Variants in COPZ2 observed in about 807,000 individuals in gnomAD.
COPZ2 encodes coatomer subunit zeta-2.
In COPZ2, 30 loss-of-function variants were observed where a neutral mutation model predicts 33.2. The observed-to-expected ratio is 0.90, with a 90% CI of 0.68 to 1.23. COPZ2 has a LOEUF of 1.23. COPZ2 is among the 50% of genes most tolerant of loss of function. The pLI is 0.00. For synonymous variants in COPZ2, 89 were observed against 102.6 expected (o/e 0.87, Z 0.80); for missense variants, 263 against 262.4 (o/e 1.00, Z -0.02).
chr17:48,027,610 G>A (rs866866711), intron 8 of COPZ2: 3 of 152,314 alleles, frequency 2.0e-5, no homozygotes, highest in Non-Finnish European at 2.9e-5. Context: ...AGGAAACATG[G>A]GGAATCAGAG....
At chr17:48,036,412 G>C (rs2036983501) in intron 2 of COPZ2, among the ~76,000 whole-genome samples, 2 of 152,194 alleles carry the variant, frequency 1.3e-5, no homozygotes, top group African/African-American at 2.4e-5. Context: ...GGATTATACA[G>C]TTTCTAAAAT....
intron 1 of COPZ2, 53 bp from the exon 2 acceptor site, chr17:48,036,978 T>C: frequency 6.8e-7 from 1 of 1,468,484 alleles, no homozygotes; most frequent in Non-Finnish European, 9.5e-7. Context: ...GTGGACACCC[T>C]GTGTCTATGG....
At chr17:48,029,917 AAG>A (rs2036867885) in intron 6 of COPZ2, among the ~76,000 whole-genome samples, 1 of 151,868 alleles carries the variant, frequency 6.6e-6, no homozygotes. Flanking sequence ...GCAGTGAGCC[AAG>A]ATTGCGCCAC....
upstream of COPZ2, among the ~76,000 whole-genome samples, chr17:48,042,013 A>G (rs1020089791): frequency 1.3e-5 from 2 of 152,044 alleles, no homozygotes; most frequent in Non-Finnish European, 2.9e-5. Flanking sequence ...CACGTTAGGG[A>G]TGGGAAGGCA....
intron 6 of COPZ2, among the ~76,000 whole-genome samples, chr17:48,029,910 G>A (rs1598257920): frequency 6.6e-6 from 1 of 151,902 alleles, no homozygotes; most frequent in African/African-American, 2.4e-5. Flanking sequence ...AGAGGTTGCA[G>A]TGAGCCAAGA....
chr17:48,039,408 G>T (rs2037038570), upstream of COPZ2, among the ~76,000 whole-genome samples: 1 of 151,522 alleles, frequency 6.6e-6, no homozygotes, highest in African/African-American at 2.4e-5. Context: ...GGGGTTCAAG[G>T]CTGCAGAGCC....
upstream of COPZ2, among the ~76,000 whole-genome samples, chr17:48,039,849 C>T (rs554504546): frequency 4.6e-5 from 7 of 152,204 alleles, no homozygotes; most frequent in East Asian, 1.9e-4. Flanking sequence ...CGGCCGGGCA[C>T]GGTGGCTCAC....
Position 48,032,154 on chromosome 17 carries a change from AC to A in COPZ2, c.494+1del. 6.2e-7 allele frequency: 1 copy of A among 1,611,466 alleles called. No individual in the cohort carries two copies. Among genetic ancestry groups the A allele is most frequent in the African/African-American group, 1.3e-5 (1 of 74,836 alleles). ...GAGTGTCCCTGACTGTCCCCTCCTC[AC>A]CCGCCATCCACAATCTCGTCCAGCA... On this transcript the variant is annotated splice_donor_variant, in intron 6 of 8. Coordinates refer to ENST00000621465, the MANE Select transcript of COPZ2 (RefSeq NM_016429.4). LOFTEE classifies it high-confidence loss of function.
In COPZ2 at chr17:48,026,191, AT is replaced by A; in HGVS notation, c.*236del. ...CTTGGCAGAAGACAAAAGCAGGTTT[AT>A]TAGGGCCCTGGGGCCAGGAATGCCT... On this transcript the variant is annotated 3_prime_UTR_variant, in exon 9 of 9. Coordinates refer to ENST00000621465, the MANE Select transcript of COPZ2 (RefSeq NM_016429.4). The A allele has an allele frequency of 3.8e-6, 2 of 531,300 alleles. No individual in the cohort carries two copies. Among genetic ancestry groups the A allele is most frequent in the Non-Finnish European group, 6.7e-6 (2 of 300,078 alleles). 32.9% of individuals were successfully genotyped at this position (531,300 alleles called of 1,614,324 possible). A position where few individuals can be genotyped will look rare whatever the true frequency, so the allele number is the denominator to read the frequency against.
rs746959636 is a variant in COPZ2, at chr17:48,028,466, G to A, written c.585+6C>T. 1 of 1,608,380 alleles carries A rather than the reference G, an allele frequency of 6.2e-7. No individual in the cohort carries two copies. Among genetic ancestry groups the A allele is most frequent in the Non-Finnish European group, 8.5e-7 (1 of 1,177,464 alleles). Reference sequence around the variant, plus strand: ...TTCTAGCCAAGGCAGATGCAGGGGGGCCTACCTGGGCCACACTCTGTTCAG... The same window carrying A: ...TTCTAGCCAAGGCAGATGCAGGGGGACCTACCTGGGCCACACTCTGTTCAG... On this transcript the variant is annotated splice_donor_region_variant and intron_variant, in intron 8 of 8. Coordinates refer to ENST00000621465, the MANE Select transcript of COPZ2 (RefSeq NM_016429.4). The surrounding 1 kb of genome is among the most constrained non-coding windows in gnomAD (Gnocchi z 4.5).
intron 4 of COPZ2, 115 bp downstream of exon 4, chr17:48,033,096 C>T: frequency 1.4e-6 from 1 of 733,676 alleles, no homozygotes. Context: ...CCCATGGAGC[C>T]TAAAAGAAGG....
chr17:48,035,587 T>C (rs927516157), intron 2 of COPZ2, among the ~76,000 whole-genome samples: 2 of 151,806 alleles, frequency 1.3e-5, no homozygotes, highest in South Asian at 2.1e-4. Context: ...TTTTTTGTTT[T>C]TGTTTTGTTT....
chr17:48,038,794 A>C (rs1188527909), upstream of COPZ2, among the ~76,000 whole-genome samples: 2 of 152,200 alleles, frequency 1.3e-5, no homozygotes, highest in Admixed American at 6.5e-5. Flanking sequence ...TGGTTACAGA[A>C]TGGGGTTTTC....
intron 2 of COPZ2, among the ~76,000 whole-genome samples, chr17:48,036,516 A>C (rs2144313896): frequency 6.6e-6 from 1 of 152,320 alleles, no homozygotes; most frequent in East Asian, 1.9e-4. Context: ...ACAAACCCCA[A>C]AGAACAAAAG....
In COPZ2 at chr17:48,028,705, A is replaced by G. The variant is rs1166477119; in HGVS notation, c.547-195T>C. 1.4e-4 allele frequency: 87 copies of G among 601,768 alleles called. No homozygotes were observed. The highest frequency in any genetic ancestry group is 4.1e-5 in the South Asian group (2 of 49,348). 37.3% of individuals were successfully genotyped at this position (601,768 alleles called of 1,614,324 possible). On this transcript the variant is annotated intron_variant, in intron 7 of 8. Transcript: ENST00000621465. The surrounding 1 kb of genome is among the most constrained non-coding windows in gnomAD (Gnocchi z 4.5). ...AAGCCAGGACCTCTGGGATTGTGCT[A>G]TGGTGCGTGGAGGGTGAGGGAAGAT... is the stretch of plus-strand genomic sequence containing the variant.
upstream of COPZ2, chr17:48,037,807 G>T (rs1420895087): frequency 2.0e-6 from 2 of 978,568 alleles, no homozygotes; most frequent in Non-Finnish European, 2.4e-6. This position sits in a 1 kb window ranked among gnomAD's most constrained non-coding sequence, Gnocchi z 5.6. Flanking sequence ...TGACAGCGCC[G>T]CCCGCCGCCT....
the COPZ2 span, among the ~76,000 whole-genome samples, chr17:48,044,396 T>C: frequency 6.3e-5 from 9 of 142,776 alleles, no homozygotes; most frequent in African/African-American, 2.4e-4. Context: ...ATTACCACAA[T>C]CTTTTGCTTT....
chr17:48,039,943 A>G (rs988226067), upstream of COPZ2, among the ~76,000 whole-genome samples: 2 of 152,056 alleles, frequency 1.3e-5, no homozygotes, highest in African/African-American at 4.8e-5. Flanking sequence ...AACATGGTGA[A>G]ACCCCATCTC....
chr17:48,044,138 G>T, the COPZ2 span, among the ~76,000 whole-genome samples: 4 of 152,198 alleles, frequency 2.6e-5, no homozygotes, highest in Non-Finnish European at 5.9e-5. Context: ...CTTGAGGTCA[G>T]GAGTTTGAGA....
Sources: allele counts gnomAD v4.1 joint callset (sites outside exome capture counted in the v4.1 genomes callset), GRCh38; gene constraint gnomAD v4.1.1; non-coding constraint Gnocchi (gnomAD v3.1); transcripts MANE v1.5; gene names NCBI Gene and HGNC (gene_info 2026-07-23, HGNC 2026-07-21).